The following BCO1 variants were observed in gnomAD, a reference collection of about 807,000 sequenced individuals.
The protein encoded by BCO1 is beta-carotene oxygenase 1.
A neutral mutation model predicts 56.3 loss-of-function variants in BCO1; 54 were observed. That is an observed-to-expected ratio of 0.96 (90% CI 0.77 to 1.20). The LOEUF (loss-of-function observed/expected upper bound fraction) is 1.20. Ranked by LOEUF, BCO1 falls within the 50% of genes most tolerant of loss-of-function variation. BCO1 has a pLI of 0.00. For synonymous variants in BCO1, 318 were observed against 266.1 expected (o/e 1.20, Z -1.90); for missense variants, 801 against 690.9 (o/e 1.16, Z -1.79).
In BCO1 at chr16:81,245,457, C is replaced by T. The variant is rs923508782; in HGVS notation, c.65-18C>T. The stretch of plus-strand genomic sequence containing the variant: ...TTGCAGGTGGAAACGGGAAACTAAA[C>T]ATTCTCTCTTTTCTCAGGCAAGATT... On this transcript the variant is annotated intron_variant, in intron 1 of 10. Transcript: ENST00000258168. 3.0e-5 allele frequency: 48 copies of T among 1,614,182 alleles called. 1 individual carries two copies. The East Asian group carries it at 1.0e-3, about 34-fold the overall frequency.
At chr16:81,262,566 A>G (rs1268376161) in intron 4 of BCO1, 1 of 399,800 alleles carries the variant, frequency 2.5e-6, no homozygotes, top group Non-Finnish European at 4.8e-6. Flanking sequence ...GGTGACCTAC[A>G]CCTGTAATTC....
Position 81,270,429 on chromosome 16 carries a change from A to C in BCO1, c.1101+13A>C, listed in dbSNP as rs1250758057. 3.1e-6 allele frequency: 5 copies of C among 1,613,974 alleles called. No homozygotes were observed. In the South Asian group the frequency reaches 5.5e-5, roughly 18 times the overall value. ...CCACGTGGACAAGGTAATGGCTTCC[A>C]AGGAGGTCCCTTTTCTTTCTAGAGA... On this transcript the variant is annotated intron_variant, in intron 7 of 10. Coordinates refer to ENST00000258168, the MANE Select transcript of BCO1 (RefSeq NM_017429.3).
chr16:81,256,806 C>G (rs187807369), intron 2 of BCO1, among the ~76,000 whole-genome samples: 4 of 152,008 alleles, frequency 2.6e-5, no homozygotes, highest in African/African-American at 9.6e-5. Context: ...GAGAATCGTT[C>G]GAACCTGAGA....
chr16:81,255,116 C>T (rs771155151), intron 2 of BCO1, among the ~76,000 whole-genome samples: 5 of 152,154 alleles, frequency 3.3e-5, no homozygotes, highest in African/African-American at 7.2e-5. Flanking sequence ...ATGTAGTTTG[C>T]GTGGGTAGCT....
At chr16:81,260,790 T>C (rs1039372742) in intron 3 of BCO1, among the ~76,000 whole-genome samples, 10 of 152,224 alleles carry the variant, frequency 6.6e-5, no homozygotes, top group Non-Finnish European at 2.9e-5. Flanking sequence ...ATTACAGGCA[T>C]GAGCCACTGC....
intron 7 of BCO1, among the ~76,000 whole-genome samples, chr16:81,274,377 C>G (rs1392471781): frequency 2.0e-5 from 3 of 151,454 alleles, no homozygotes; most frequent in African/African-American, 4.9e-5. Context: ...CATTCTGCTG[C>G]CTCAGCCTCC....
At position 81,241,200 on chromosome 16, in the gene BCO1, G is replaced by C. The variant is rs555838084; in HGVS notation, c.64+2228G>C. Reference sequence around the variant, plus strand: ...ATGGTGGTGCATATCTATAAGCCCAGCTCCTCAGGAGACTGGGCATGAGAA... The same window carrying C: ...ATGGTGGTGCATATCTATAAGCCCACCTCCTCAGGAGACTGGGCATGAGAA... On this transcript the variant is annotated intron_variant, in intron 1 of 10. Coordinates refer to ENST00000258168, the MANE Select transcript of BCO1 (RefSeq NM_017429.3). Among the ~76,000 whole-genome samples, 5 of 152,082 alleles carry C rather than the reference G, an allele frequency of 3.3e-5. No homozygotes were observed. The South Asian group carries it at 1.0e-3, about 32-fold the overall frequency.
intron 7 of BCO1, among the ~76,000 whole-genome samples, chr16:81,277,036 C>T (rs1454795032): frequency 1.4e-5 from 2 of 141,212 alleles, no homozygotes; most frequent in African/African-American, 2.6e-5. Flanking sequence ...CACCGTATTC[C>T]GCCTGGATGA....
intron 7 of BCO1, among the ~76,000 whole-genome samples, chr16:81,271,019 C>T (rs1237171107): frequency 1.3e-5 from 2 of 152,200 alleles, no homozygotes; most frequent in Non-Finnish European, 2.9e-5. Flanking sequence ...GCTGGGATTA[C>T]AGGCGTGAGC....
intron 1 of BCO1, among the ~76,000 whole-genome samples, chr16:81,240,666 C>T (rs1905068261): frequency 6.6e-6 from 1 of 151,898 alleles, no homozygotes; most frequent in Admixed American, 6.6e-5. Flanking sequence ...GATCGTGCCA[C>T]TGCACTCTGG....
intron 2 of BCO1, among the ~76,000 whole-genome samples, chr16:81,256,850 T>A (rs1033316243): frequency 2.0e-5 from 3 of 151,672 alleles, no homozygotes; most frequent in Non-Finnish European, 4.4e-5. Context: ...ATCGTACCAC[T>A]GGACTCCAGC....
intron 8 of BCO1, 60 bp from the exon 9 acceptor site, chr16:81,285,480 G>C: frequency 8.2e-7 from 1 of 1,219,854 alleles, no homozygotes; most frequent in African/African-American, 1.5e-5. Flanking sequence ...CTGACAGGAA[G>C]GGTGGATGCT....
chr16:81,262,393 C>A (rs1411026768), intron 4 of BCO1, 110 bp downstream of exon 4: 3 of 1,183,112 alleles, frequency 2.5e-6, no homozygotes, highest in South Asian at 1.2e-5. Context: ...GGGAGCCCCT[C>A]CTCTAACACC....
chr16:81,243,782 T>G (rs1905244142), intron 1 of BCO1, among the ~76,000 whole-genome samples: 1 of 152,174 alleles, frequency 6.6e-6, no homozygotes, highest in African/African-American at 2.4e-5. Context: ...GTTTTGGTCT[T>G]CTTGTTTTGG....
rs765228517 is a variant in BCO1 at position 81,285,649 on chromosome 16, G to A, written c.1302+15G>A. 1 of 1,543,978 alleles carries A rather than the reference G, an allele frequency of 6.5e-7. No homozygotes were observed. Among genetic ancestry groups the A allele is most frequent in the South Asian group, 1.1e-5 (1 of 89,668 alleles). Reference sequence around the variant, plus strand: ...TCCCAACCAAGGTACTGGTCTCTGTGTATTCACAAGCCTTTCCTACAGTGA... The same window carrying A: ...TCCCAACCAAGGTACTGGTCTCTGTATATTCACAAGCCTTTCCTACAGTGA... On this transcript the variant is annotated intron_variant, in intron 9 of 10. Coordinates refer to ENST00000258168, the MANE Select transcript of BCO1 (RefSeq NM_017429.3).
At chr16:81,282,836 C>T (rs954700389) in intron 8 of BCO1, among the ~76,000 whole-genome samples, 3 of 152,274 alleles carry the variant, frequency 2.0e-5, no homozygotes, top group Middle Eastern at 3.4e-3. Flanking sequence ...TGACATAGGC[C>T]GGGTCCCTTC....
At chr16:81,258,880 CA>C (rs1233807945) in intron 2 of BCO1, among the ~76,000 whole-genome samples, 3 of 152,062 alleles carry the variant, frequency 2.0e-5, no homozygotes, top group Admixed American at 6.6e-5. Context: ...GCGAGGGCCT[CA>C]AAAAGCTTTG....
chr16:81,285,525 C>G lies in BCO1; in HGVS notation c.1208-15C>G. ...CAATGATAGGGGCTTCATCCACCTC[C>G]TCATTTCCTTGTAGGCTTAGAGCTT... is the stretch of plus-strand genomic sequence containing the variant. On this transcript the variant is annotated splice_polypyrimidine_tract_variant and intron_variant, in intron 8 of 10. Transcript: ENST00000258168. The G allele has an allele frequency of 6.3e-7, 1 of 1,590,480 alleles. No individual in the cohort carries two copies. Among genetic ancestry groups the G allele is most frequent in the Non-Finnish European group, 8.6e-7 (1 of 1,158,568 alleles).
At chr16:81,257,013 C>G (rs1388232590) in intron 2 of BCO1, among the ~76,000 whole-genome samples, 1 of 152,214 alleles carries the variant, frequency 6.6e-6, no homozygotes, top group Non-Finnish European at 1.5e-5. Flanking sequence ...GAACTCAACG[C>G]CTGCAAGAAG....
Sources: allele counts gnomAD v4.1 joint callset (sites outside exome capture counted in the v4.1 genomes callset), GRCh38; gene constraint gnomAD v4.1.1; transcripts MANE v1.5; gene names NCBI Gene and HGNC (gene_info 2026-07-23, HGNC 2026-07-21).